The following RGSL1 variants were observed in gnomAD, a reference collection of about 807,000 sequenced individuals.
The protein encoded by RGSL1 is regulator of G protein signaling like 1, also known as regulator of G protein signaling protein-like.
A neutral mutation model predicts 124.7 loss-of-function variants in RGSL1; 97 were observed. That is an observed-to-expected ratio of 0.78 (90% confidence interval 0.66 to 0.92). RGSL1 has a LOEUF of 0.92. RGSL1 is among the 40% of genes least tolerant of loss of function. The probability of loss-of-function intolerance (pLI) is 0.00; values close to 1 mark genes in which losing one functional copy is unlikely to be tolerated. For synonymous variants in RGSL1, 424 were observed against 438.1 expected (o/e 0.97, Z 0.40); for missense variants, 1,233 against 1,288.4 (o/e 0.96, Z 0.66).
chr1:182,486,809 G>T (rs979495497), intron 6 of RGSL1, among the ~76,000 whole-genome samples: 7 of 152,120 alleles, frequency 4.6e-5, no homozygotes, highest in African/African-American at 1.7e-4. Context: ...CCAAGTAGCT[G>T]GGATTACAGG....
intron 6 of RGSL1, among the ~76,000 whole-genome samples, chr1:182,484,660 CA>C (rs1553260417): frequency 6.6e-6 from 1 of 152,204 alleles, no homozygotes; most frequent in Non-Finnish European, 1.5e-5. Context: ...CATTTCAGTT[CA>C]GGCCCCTAGG....
intron 6 of RGSL1, among the ~76,000 whole-genome samples, chr1:182,483,790 G>C (rs1654888744): frequency 6.6e-6 from 1 of 152,156 alleles, no homozygotes; most frequent in Non-Finnish European, 1.5e-5. Context: ...GATGTAGGCT[G>C]CCCACAGAGC....
intron 9 of RGSL1, among the ~76,000 whole-genome samples, chr1:182,497,897 C>A (rs1362642492): frequency 6.6e-6 from 1 of 152,000 alleles, no homozygotes; most frequent in African/African-American, 2.4e-5. Context: ...ATGTTCCCAC[C>A]CCTCTTTTTG....
At chr1:182,484,876 A>G (rs1433587885) in intron 6 of RGSL1, among the ~76,000 whole-genome samples, 1 of 152,166 alleles carries the variant, frequency 6.6e-6, no homozygotes, top group African/African-American at 2.4e-5. Flanking sequence ...TCAGGCCATC[A>G]GGTGGGGGTG....
chr1:182,488,935 A>G, intron 7 of RGSL1, 45 bp from the exon 8 acceptor site: 1 of 1,459,232 alleles, frequency 6.9e-7, no homozygotes, highest in Non-Finnish European at 9.4e-7. Context: ...CTTCTGGTCT[A>G]GTTCCTGTAA....
rs1259683088 is a variant in RGSL1 at position 182,473,891 on chromosome 1, T to A, written c.780T>A (p.Asp260Glu). 6.4e-7 allele frequency: 1 copy of A among 1,551,886 alleles called. No individual in the cohort carries two copies. The highest frequency in any genetic ancestry group is 8.7e-7 in the Non-Finnish European group (1 of 1,147,026). ...AGAGGAAGATGTGGCAATTGGTAGA[T>A]CCTGACTCTTGGTCTCTGGAAATGG... ...KAKRKMWQLV[D>E]PDSWSLEMDL... The change falls in exon 6 of 22, where the codon GAT becomes GAA. Residue 260 changes from aspartate (D) to glutamate (E), a missense_variant. Coordinates refer to ENST00000294854, the MANE Select transcript of RGSL1 (RefSeq NM_001137669.2).
chr1:182,530,416 G>C, intron 12 of RGSL1, 55 bp downstream of exon 12: 6 of 1,343,490 alleles, frequency 4.5e-6, no homozygotes, highest in Non-Finnish European at 6.2e-6. Context: ...CTTGGCTTCT[G>C]AAAGCCATAT....
rs1231406349 is a variant in RGSL1, at chr1:182,556,101, T to C, written c.*44T>C. 4 of 1,520,730 alleles carry C rather than the reference T, an allele frequency of 2.6e-6. No individual in the cohort carries two copies. The highest frequency in any genetic ancestry group is 2.5e-5 in the East Asian group (1 of 40,784). 94.2% of individuals were successfully genotyped at this position (1,520,730 alleles called of 1,614,324 possible). On this transcript the variant is annotated 3_prime_UTR_variant, in exon 21 of 22. Coordinates refer to ENST00000294854, the MANE Select transcript of RGSL1 (RefSeq NM_001137669.2). ...AGAGATAAATCATCTCTTAGAGGCC[T>C]CCTAACACTGACAGAAACTTTTCTG...
intron 4 of RGSL1, chr1:182,471,167 T>C (rs1270010167): frequency 2.4e-6 from 1 of 409,820 alleles, no homozygotes; most frequent in Non-Finnish European, 4.9e-6. Context: ...ATCTAACTGG[T>C]CACAATTTGT....
intron 14 of RGSL1, among the ~76,000 whole-genome samples, 196 bp from the exon 15 acceptor site, chr1:182,540,051 G>A (rs1229349623): frequency 1.3e-5 from 2 of 152,156 alleles, no homozygotes; most frequent in East Asian, 1.9e-4. Flanking sequence ...TGTGTTTTAT[G>A]TGTGTTGTCA....
chr1:182,529,492 G>T (rs142062804), intron 11 of RGSL1, among the ~76,000 whole-genome samples: 229 of 152,286 alleles, frequency 1.5e-3, no homozygotes, highest in African/African-American at 5.3e-3. Context: ...TGTTTCCTAA[G>T]GTGGGAGGGT....
intron 6 of RGSL1, among the ~76,000 whole-genome samples, chr1:182,484,006 C>T (rs879352437): frequency 2.0e-5 from 3 of 152,042 alleles, no homozygotes; most frequent in Non-Finnish European, 2.9e-5. Flanking sequence ...GATGAGGCAC[C>T]GTGTAGTGGT....
At chr1:182,478,884 G>A (rs767451374) in intron 6 of RGSL1, among the ~76,000 whole-genome samples, 1 of 152,156 alleles carries the variant, frequency 6.6e-6, no homozygotes, top group East Asian at 1.9e-4. Context: ...AAGGCTATCA[G>A]CAGATTTCTC....
At chr1:182,548,189 TA>T in intron 15 of RGSL1, 127 bp from the exon 16 acceptor site, 1 of 921,756 alleles carries the variant, frequency 1.1e-6, no homozygotes, top group Non-Finnish European at 1.7e-6. Context: ...ACTGAATGAA[TA>T]AAGTCACAAC....
At chr1:182,458,595 A>G (rs1197244751) in intron 3 of RGSL1, among the ~76,000 whole-genome samples, 1 of 152,032 alleles carries the variant, frequency 6.6e-6, no homozygotes, top group African/African-American at 2.4e-5. Flanking sequence ...TAAGCCTCCC[A>G]AATAGCTGGG....
intron 17 of RGSL1, chr1:182,550,878 CTGCCCA>C (rs1242704950): frequency 1.9e-6 from 1 of 525,246 alleles, no homozygotes; most frequent in Non-Finnish European, 3.4e-6. Flanking sequence ...CCCCAACAAA[CTGCCCA>C]TGCCAGGCCC....
chr1:182,471,055 A>T (rs1191866108), intron 4 of RGSL1, among the ~76,000 whole-genome samples: 1 of 152,148 alleles, frequency 6.6e-6, no homozygotes, highest in African/African-American at 2.4e-5. Context: ...GAGGGTGTTT[A>T]TGTGAATTGT....
intron 9 of RGSL1, among the ~76,000 whole-genome samples, chr1:182,506,320 T>C (rs1339248048): frequency 6.6e-6 from 1 of 152,160 alleles, no homozygotes; most frequent in African/African-American, 2.4e-5. Context: ...ATTTTCTGTA[T>C]TTTTACGATA....
At chr1:182,533,208 C>T (rs961302299) in intron 14 of RGSL1, among the ~76,000 whole-genome samples, 1 of 145,038 alleles carries the variant, frequency 6.9e-6, no homozygotes, top group Non-Finnish European at 1.5e-5. Context: ...GCTTGTAAAC[C>T]TACCTCCTAA....
Sources: allele counts gnomAD v4.1 joint callset (sites outside exome capture counted in the v4.1 genomes callset), GRCh38; gene constraint gnomAD v4.1.1; transcripts MANE v1.5; gene names NCBI Gene and HGNC (gene_info 2026-07-23, HGNC 2026-07-21).